RAD51B: variants seen among roughly 807,000 people sequenced by gnomAD.
RAD51B encodes the protein RAD51 paralog B.
Under a neutral mutation model 42.2 loss-of-function variants are expected in RAD51B, and 38 were observed. The ratio of observed to expected loss-of-function variants is 0.90; its 90% confidence interval spans 0.70 to 1.18. The LOEUF (loss-of-function observed/expected upper bound fraction) is 1.18. Ranked by LOEUF, RAD51B falls within the 50% of genes most tolerant of loss-of-function variation. The pLI is 0.00. For synonymous variants in RAD51B, 154 were observed against 145.2 expected (o/e 1.06, Z -0.43); for missense variants, 373 against 400.7 (o/e 0.93, Z 0.59).
At position 67,889,427 on chromosome 14, in the gene RAD51B, T is replaced by C. The variant is rs553414450; in HGVS notation, c.756+2223T>C. On this transcript the variant is annotated intron_variant, in intron 7 of 10. Coordinates refer to ENST00000471583, the MANE Select transcript of RAD51B (RefSeq NM_133510.4). ...TTAATTATGTCAATTTAATATGTTA[T>C]ATATGATAATTTGCTAAATTAAATT... Among the ~76,000 whole-genome samples the C allele has an allele frequency of 1.3e-4, 19 of 150,634 alleles. No individual in the cohort carries two copies. The South Asian group carries it at 4.0e-3, about 31-fold the overall frequency.
chr14:68,078,594 T>C (rs999696498), intron 7 of RAD51B, among the ~76,000 whole-genome samples: 7 of 152,200 alleles, frequency 4.6e-5, no homozygotes, highest in African/African-American at 1.7e-4. Context: ...AGCATATTGC[T>C]TGGAGGTTTC....
chr14:68,119,096 G>A (rs980865430), intron 7 of RAD51B, among the ~76,000 whole-genome samples: 3 of 151,504 alleles, frequency 2.0e-5, no homozygotes, highest in Admixed American at 6.6e-5. Context: ...GTACAGGCAC[G>A]TGCCACTCAC....
chr14:68,445,113 G>A (rs1033259468), intron 9 of RAD51B, among the ~76,000 whole-genome samples: 2 of 152,158 alleles, frequency 1.3e-5, no homozygotes, highest in East Asian at 3.9e-4. Context: ...AATGCCAACA[G>A]CAAACTAGAA....
intron 9 of RAD51B, among the ~76,000 whole-genome samples, chr14:68,430,091 C>T (rs1429695984): frequency 5.9e-5 from 9 of 152,026 alleles, no homozygotes; most frequent in Admixed American, 6.6e-5. Flanking sequence ...GGCTCTGTTC[C>T]GTTCCATTGG....
intron 7 of RAD51B, among the ~76,000 whole-genome samples, chr14:68,092,915 G>A (rs1009519019): frequency 1.8e-4 from 27 of 150,864 alleles, no homozygotes; most frequent in Non-Finnish European, 2.9e-4. Context: ...ATGAAGGGTC[G>A]TTGAATTTTG....
chr14:68,391,690 A>C (rs183880458), intron 8 of RAD51B, among the ~76,000 whole-genome samples: 92 of 151,780 alleles, frequency 6.1e-4, no homozygotes, highest in African/African-American at 2.0e-3. Flanking sequence ...TCTATTCTTT[A>C]TTCCTTTTAC....
chr14:67,900,987 T>C lies in RAD51B; in HGVS notation c.756+13783T>C, dbSNP rs552540652. ...GTCTCATGACCAAGAAGAATAAGGC[T>C]TGCAGCCACTGGAGAGTAAATAGAG... On this transcript the variant is annotated intron_variant, in intron 7 of 10. Transcript: ENST00000471583. 8.1e-4 allele frequency among the ~76,000 whole-genome samples: 123 copies of C among 152,318 alleles called. 1 individual carries two copies. The highest frequency in any genetic ancestry group is 2.9e-3 in the African/African-American group (121 of 41,588).
Position 68,441,398 on chromosome 14 carries a change from CG to C in RAD51B, c.958-26771del, listed in dbSNP as rs1287472718. ...TCTAGTAAAAAAACAAAAAATTAGC[CG>C]GGCGCGGTGGCAGGCACCTGTAGTC... On this transcript the variant is annotated intron_variant, in intron 9 of 10. Coordinates refer to ENST00000471583, the MANE Select transcript of RAD51B (RefSeq NM_133510.4). Among the ~76,000 whole-genome samples the C allele has an allele frequency of 2.1e-5, 3 of 143,056 alleles. 1 individual carries two copies. Among genetic ancestry groups the C allele is most frequent in the Non-Finnish European group, 4.6e-5 (3 of 65,282 alleles). The allele number at this position is 143,056 out of a possible 152,430, so 93.9% of individuals were successfully genotyped here. A position where few individuals can be genotyped will look rare whatever the true frequency, so the allele number is the denominator to read the frequency against.
intron 7 of RAD51B, among the ~76,000 whole-genome samples, chr14:68,266,181 C>A (rs2080988630): frequency 6.6e-6 from 1 of 152,164 alleles, no homozygotes; most frequent in African/African-American, 2.4e-5. Context: ...TTGCAAGGTT[C>A]ATTACTGAAC....
chr14:68,468,550 T>C (rs2140234282), intron 10 of RAD51B: 1 of 407,778 alleles, frequency 2.5e-6, no homozygotes, highest in Non-Finnish European at 4.7e-6. Flanking sequence ...CATTCCTCTT[T>C]GCAGATCCTA....
downstream of RAD51B, among the ~76,000 whole-genome samples, chr14:68,615,480 G>C (rs1225820121): frequency 6.6e-6 from 1 of 152,008 alleles, no homozygotes. Context: ...CGAGTAGCTG[G>C]GACTACAGGC....
intron 7 of RAD51B, among the ~76,000 whole-genome samples, chr14:67,944,987 C>T (rs1048373793): frequency 4.6e-5 from 7 of 152,176 alleles, no homozygotes; most frequent in Admixed American, 2.0e-4. Context: ...AAGTAAGAAT[C>T]ATACCTACCT....
At chr14:68,056,134 C>T (rs2076470323) in intron 7 of RAD51B, among the ~76,000 whole-genome samples, 1 of 151,988 alleles carries the variant, frequency 6.6e-6, no homozygotes, top group Non-Finnish European at 1.5e-5. Context: ...TCCTAGAGCT[C>T]AGTGTTATTT....
chr14:68,677,084 A>C (rs1029976327), intron 11 of RAD51B, among the ~76,000 whole-genome samples: 2 of 152,148 alleles, frequency 1.3e-5, no homozygotes, highest in African/African-American at 4.8e-5. Flanking sequence ...GCTCAAAATT[A>C]AAGCTGGAAA....
In RAD51B at chr14:67,878,354, T is replaced by C. The variant is rs149184947; in HGVS notation, c.453-7515T>C. Among the ~76,000 whole-genome samples, 163 of 152,284 alleles carry C rather than the reference T, an allele frequency of 1.1e-3. 1 individual carries two copies. Among genetic ancestry groups the C allele is most frequent in the African/African-American group, 3.7e-3 (152 of 41,586 alleles). On this transcript the variant is annotated intron_variant, in intron 5 of 10. Transcript: ENST00000471583. Reference sequence around the variant, plus strand: ...GTCCATTTATATTTCTTTGGCAAATTACCTAGAAATACACTTTGTCCATTT... The same window carrying C: ...GTCCATTTATATTTCTTTGGCAAATCACCTAGAAATACACTTTGTCCATTT...
At chr14:68,570,533 A>G (rs193025125) in intron 10 of RAD51B, among the ~76,000 whole-genome samples, 1 of 152,332 alleles carries the variant, frequency 6.6e-6, no homozygotes, top group Admixed American at 6.5e-5. Flanking sequence ...ACTCTATGCT[A>G]TTTAAAGGGA....
intron 7 of RAD51B, among the ~76,000 whole-genome samples, chr14:68,262,656 C>T (rs373527271): frequency 5.1e-4 from 77 of 152,184 alleles, no homozygotes; most frequent in Middle Eastern, 3.4e-3. Context: ...GTTCAGGACA[C>T]ACTACCCCAC....
At chr14:68,513,958 T>C (rs1885943340) in intron 10 of RAD51B, among the ~76,000 whole-genome samples, 1 of 152,204 alleles carries the variant, frequency 6.6e-6, no homozygotes, top group African/African-American at 2.4e-5. Context: ...ACAGTTTCAT[T>C]TCTTTAAAAA....
intron 11 of RAD51B, among the ~76,000 whole-genome samples, chr14:68,668,184 G>A (rs1032315493): frequency 6.6e-6 from 1 of 152,144 alleles, no homozygotes; most frequent in African/African-American, 2.4e-5. Context: ...CAACCCTGGG[G>A]TCACCCTCCA....
Sources: allele counts gnomAD v4.1 joint callset (sites outside exome capture counted in the v4.1 genomes callset), GRCh38; gene constraint gnomAD v4.1.1; transcripts MANE v1.5; gene names NCBI Gene and HGNC (gene_info 2026-07-23, HGNC 2026-07-21).